The following NEDD9 variants were observed in gnomAD, a reference collection of about 807,000 sequenced individuals.
The protein encoded by NEDD9 is neural precursor cell expressed, developmentally down-regulated 9.
Under a neutral mutation model 76.6 loss-of-function variants are expected in NEDD9, and 26 were observed. The ratio of observed to expected loss-of-function variants is 0.34; its 90% CI spans 0.25 to 0.47. NEDD9 has a LOEUF of 0.47. Ranked by LOEUF, NEDD9 falls within the 20% of genes least tolerant of loss-of-function variation. The pLI is 1.00. For synonymous variants in NEDD9, 392 were observed against 414.2 expected (o/e 0.95, Z 0.65); for missense variants, 937 against 1,058.5 (o/e 0.89, Z 1.59).
At chr6:11,253,504 G>T (rs771262231) in intron 3 of NEDD9, among the ~76,000 whole-genome samples, 4 of 152,104 alleles carry the variant, frequency 2.6e-5, no homozygotes, top group Non-Finnish European at 5.9e-5. Flanking sequence ...CCGTGCCCCA[G>T]GACAAACTCA....
chr6:11,199,635 ATCTTTTTTTTTTTTTTTTTTTTTTTT>A (rs1371071670), intron 2 of NEDD9: 31 of 99,316 alleles, frequency 3.1e-4, no homozygotes, highest in African/African-American at 1.1e-3. Context: ...GCTAGGAAAG[ATCTTTTTTTTTTTTTTTTTTTTTTTT>A]TTTTTTTTTT....
At chr6:11,353,383 G>A (rs1561845012) in intron 1 of NEDD9, among the ~76,000 whole-genome samples, 1 of 152,224 alleles carries the variant, frequency 6.6e-6, no homozygotes, top group African/African-American at 2.4e-5. Flanking sequence ...CTGTGTGAAA[G>A]AGACGCAGAG....
chr6:11,291,804 T>C (rs1329585787), intron 3 of NEDD9, among the ~76,000 whole-genome samples: 1 of 152,132 alleles, frequency 6.6e-6, no homozygotes, highest in African/African-American at 2.4e-5. Flanking sequence ...AGGCAAACTA[T>C]GGGAAAATGG....
intron 3 of NEDD9, among the ~76,000 whole-genome samples, chr6:11,297,367 T>A (rs1383319734): frequency 1.3e-5 from 2 of 152,234 alleles, no homozygotes; most frequent in Non-Finnish European, 2.9e-5. Context: ...TGCAGTTCCC[T>A]CAGGGCTTGC....
At chr6:11,259,959 C>CACACACACAG (rs1561808973) in intron 3 of NEDD9, among the ~76,000 whole-genome samples, 1 of 151,722 alleles carries the variant, frequency 6.6e-6, no homozygotes, top group Admixed American at 6.6e-5. Flanking sequence ...CACACACACA[C>CACACACACAG]AGACACACAC....
chr6:11,273,502 G>A (rs867038754), intron 3 of NEDD9, among the ~76,000 whole-genome samples: 4 of 152,242 alleles, frequency 2.6e-5, no homozygotes, highest in Admixed American at 6.5e-5. Flanking sequence ...GCTGAGGTGC[G>A]AACGGCCGGG....
In NEDD9 at chr6:11,223,924, C is replaced by T. The variant is rs1267483794; in HGVS notation, c.12+8580G>A. On this transcript the variant is annotated intron_variant, in intron 1 of 6. Transcript: ENST00000379446. ...TGTAAGGGAGATGGGATAATGCCTT[C>T]GACAGTGGATTAATCTCAGGAGCAG... Among the ~76,000 whole-genome samples, 8 of 152,132 alleles carry T rather than the reference C, an allele frequency of 5.3e-5. 1 individual carries two copies. The highest frequency in any genetic ancestry group is 1.2e-4 in the African/African-American group (5 of 41,422).
At chr6:11,306,359 A>G (rs1761184302) in intron 2 of NEDD9, among the ~76,000 whole-genome samples, 7 of 152,230 alleles carry the variant, frequency 4.6e-5, no homozygotes, top group Admixed American at 4.6e-4. Context: ...TCAAAGACAC[A>G]TAAAATATAG....
intron 3 of NEDD9, among the ~76,000 whole-genome samples, chr6:11,301,471 T>C (rs1761042866): frequency 6.6e-6 from 1 of 152,166 alleles, no homozygotes; most frequent in African/African-American, 2.4e-5. Flanking sequence ...GACAGAAGGT[T>C]AACAAGGATA....
chr6:11,370,591 G>A lies in NEDD9; in HGVS notation c.-214+11548C>T, dbSNP rs1000835798. Among the ~76,000 whole-genome samples the A allele has an allele frequency of 1.1e-4, 16 of 152,078 alleles. No homozygotes were observed. Among genetic ancestry groups the A allele is most frequent in the African/African-American group, 3.9e-4 (16 of 41,398 alleles). Reference sequence around the variant, plus strand: ...TTTCTGTGTCCTTCCCGTTTTGCAAGGGCCATACCAGCTTCACTTCTGAGC... The same window carrying A: ...TTTCTGTGTCCTTCCCGTTTTGCAAAGGCCATACCAGCTTCACTTCTGAGC... On this transcript the variant is annotated intron_variant, in intron 1 of 3. Transcript: ENST00000397378. The surrounding 1 kb of genome is among the most constrained non-coding windows in gnomAD (Gnocchi z 4.2).
intron 1 of NEDD9, among the ~76,000 whole-genome samples, chr6:11,216,226 G>A (rs1758949365): frequency 1.3e-5 from 2 of 152,306 alleles, no homozygotes; most frequent in East Asian, 1.9e-4. Flanking sequence ...AGTGCTGTTA[G>A]TAGCCAGGAC....
chr6:11,352,497 C>T (rs1278759090), intron 1 of NEDD9: 1 of 152,190 alleles, frequency 6.6e-6, no homozygotes, highest in Non-Finnish European at 1.5e-5. Flanking sequence ...TTTCTTTATA[C>T]AGCTTCTTTC....
intron 5 of NEDD9, among the ~76,000 whole-genome samples, chr6:11,189,365 C>G (rs984706540): frequency 6.6e-6 from 1 of 152,166 alleles, no homozygotes; most frequent in Non-Finnish European, 1.5e-5. Flanking sequence ...GTCCCATACA[C>G]AGATTAAGCT....
intron 1 of NEDD9, among the ~76,000 whole-genome samples, chr6:11,372,229 C>A (rs570381623): frequency 6.6e-5 from 10 of 151,704 alleles, no homozygotes; most frequent in African/African-American, 2.4e-4. Context: ...TTAGCTCCCA[C>A]AAGTAAGTGA....
intron 2 of NEDD9, among the ~76,000 whole-genome samples, chr6:11,322,413 G>C (rs1761828285): frequency 6.6e-6 from 1 of 152,164 alleles, no homozygotes; most frequent in Admixed American, 6.5e-5. Flanking sequence ...GACTGAGCTG[G>C]GGGAACCCAC....
At chr6:11,374,011 T>C (rs747616263) in intron 1 of NEDD9, among the ~76,000 whole-genome samples, 2 of 152,144 alleles carry the variant, frequency 1.3e-5, no homozygotes, top group Non-Finnish European at 2.9e-5. Flanking sequence ...CTTGCCAGTC[T>C]CCATAATTGT....
intron 1 of NEDD9, among the ~76,000 whole-genome samples, chr6:11,228,424 G>A (rs13212654): frequency 1.3e-5 from 2 of 152,044 alleles, no homozygotes; most frequent in South Asian, 2.1e-4. Context: ...CAGCTACTCA[G>A]GAGGCCGAGA....
At chr6:11,193,033 C>T (rs369350840) in intron 3 of NEDD9, among the ~76,000 whole-genome samples, 5 of 145,350 alleles carry the variant, frequency 3.4e-5, no homozygotes, top group African/African-American at 1.0e-4. Context: ...AGCTGGGGGC[C>T]GTGGCTCACA....
At position 11,358,538 on chromosome 6, in the gene NEDD9, T is replaced by C. The variant is rs146461225; in HGVS notation, c.-214+23601A>G. 3.0e-3 allele frequency among the ~76,000 whole-genome samples: 455 copies of C among 152,306 alleles called. 2 individuals carry two copies. Among genetic ancestry groups the C allele is most frequent in the African/African-American group, 0.01 (432 of 41,570 alleles). On this transcript the variant is annotated intron_variant, in intron 1 of 3. Transcript: ENST00000397378. ...ATAAAACGGAGCGTTTAAAAAGTTT[T>C]CCACTGAGAAGCAGTTTGAAGAGTC...
Sources: gnomAD v4.1 joint callset for allele counts (sites outside exome capture counted in the v4.1 genomes callset) on GRCh38, gnomAD v4.1.1 for gene constraint, Gnocchi (gnomAD v3.1) non-coding constraint, MANE v1.5 for transcripts, NCBI Gene and HGNC (gene_info 2026-07-23, HGNC 2026-07-21) for gene names.